Variants in CFAP299 observed in about 807,000 individuals in gnomAD.
CFAP299 encodes the protein cilia- and flagella-associated protein 299.
Under a neutral mutation model 27.0 loss-of-function variants are expected in CFAP299, and 21 were observed. That is an observed-to-expected ratio of 0.78 (90% CI 0.55 to 1.12). CFAP299 has a LOEUF of 1.12. CFAP299 is among the 50% of genes most tolerant of loss of function. CFAP299 has a pLI of 0.00. For synonymous variants in CFAP299, 104 were observed against 98.1 expected, an observed-to-expected ratio of 1.06 and a Z score of -0.36; for missense variants, 310 against 276.6, an observed-to-expected ratio of 1.12 and a Z score of -0.86.
At chr4:80,953,358 T>C (rs998072897) in intron 5 of CFAP299, among the ~76,000 whole-genome samples, 1 of 152,178 alleles carries the variant, frequency 6.6e-6, no homozygotes, top group Non-Finnish European at 1.5e-5. Flanking sequence ...AATTACTGAA[T>C]GTTTGGTTGA....
intron 5 of CFAP299, among the ~76,000 whole-genome samples, chr4:80,950,504 T>C (rs1323994350): frequency 6.6e-6 from 1 of 152,012 alleles, no homozygotes; most frequent in African/African-American, 2.4e-5. Flanking sequence ...ATGAAAGAGA[T>C]AGCATTTGAA....
chr4:80,577,428 G>A (rs1735928403), intron 2 of CFAP299, among the ~76,000 whole-genome samples: 1 of 110,080 alleles, frequency 9.1e-6, no homozygotes, highest in African/African-American at 3.4e-5. Context: ...TTTTGAGACG[G>A]AGTCTCGCTC....
chr4:80,518,231 C>T (rs1010177839), intron 2 of CFAP299, among the ~76,000 whole-genome samples: 1 of 151,768 alleles, frequency 6.6e-6, no homozygotes, highest in African/African-American at 2.4e-5. Context: ...AGAGCAAAAG[C>T]CTTCAATTAA....
chr4:80,387,080 G>A (rs1347252125), intron 2 of CFAP299: 7 of 1,440,152 alleles, frequency 4.9e-6, no homozygotes, highest in East Asian at 2.3e-5. Context: ...TGTGAGTGGC[G>A]GTCTGCAGGT....
intron 2 of CFAP299, among the ~76,000 whole-genome samples, chr4:80,400,831 G>C (rs1159425286): frequency 6.6e-6 from 1 of 152,232 alleles, no homozygotes; most frequent in African/African-American, 2.4e-5. Flanking sequence ...ATGTGAGAAA[G>C]TTTGGAACTT....
At chr4:80,378,922 C>T (rs563404862) in intron 2 of CFAP299, among the ~76,000 whole-genome samples, 4 of 151,602 alleles carry the variant, frequency 2.6e-5, no homozygotes, top group Admixed American at 6.6e-5. Context: ...TTTGTAAGGC[C>T]TTTTCTGATT....
At chr4:80,729,606 T>A (rs1302825051) in intron 3 of CFAP299, among the ~76,000 whole-genome samples, 2 of 140,060 alleles carry the variant, frequency 1.4e-5, no homozygotes, top group Non-Finnish European at 3.1e-5. Flanking sequence ...TTTTTTTTTT[T>A]TTTTTTTTTT....
chr4:80,683,095 CA>C (rs765414972), intron 3 of CFAP299, among the ~76,000 whole-genome samples: 1 of 152,166 alleles, frequency 6.6e-6, no homozygotes, highest in Non-Finnish European at 1.5e-5. Flanking sequence ...TCTTCTATAA[CA>C]CCTCTATCTC....
At chr4:80,346,507 C>T (rs1017899136) in intron 1 of CFAP299, among the ~76,000 whole-genome samples, 2 of 152,182 alleles carry the variant, frequency 1.3e-5, no homozygotes, top group Admixed American at 1.3e-4. Context: ...AGACAGTTTT[C>T]CCAGCACCAT....
chr4:80,687,636 C>T (rs1421077566), intron 3 of CFAP299, among the ~76,000 whole-genome samples: 2 of 152,148 alleles, frequency 1.3e-5, no homozygotes, highest in Non-Finnish European at 2.9e-5. Context: ...CATTTTTATT[C>T]ATCTGAAGGC....
At chr4:80,681,427 CA>C (rs34709357) in intron 3 of CFAP299, among the ~76,000 whole-genome samples, 13,622 of 143,564 alleles carry the variant, frequency 0.095, 762 homozygotes, top group East Asian at 0.23. Flanking sequence ...GTGCCAGAGG[CA>C]AAAAAAAAAA....
chr4:80,800,137 A>C (rs1475339957), intron 3 of CFAP299, among the ~76,000 whole-genome samples: 1 of 62,822 alleles, frequency 1.6e-5, no homozygotes, highest in Admixed American at 3.1e-4. Flanking sequence ...TAAATATATT[A>C]TATAAATATA....
intron 2 of CFAP299, among the ~76,000 whole-genome samples, chr4:80,380,295 G>A (rs1431791027): frequency 2.6e-5 from 4 of 151,750 alleles, no homozygotes; most frequent in African/African-American, 9.7e-5. Flanking sequence ...TAAATTTACA[G>A]AGAAAACTAT....
intron 3 of CFAP299, among the ~76,000 whole-genome samples, chr4:80,752,761 C>G (rs1313838529): frequency 6.6e-6 from 1 of 151,860 alleles, no homozygotes; most frequent in Non-Finnish European, 1.5e-5. Context: ...TATTTTATCT[C>G]CACTATTGGC....
intron 5 of CFAP299, among the ~76,000 whole-genome samples, chr4:80,959,229 A>G (rs900661474): frequency 6.6e-6 from 1 of 151,554 alleles, no homozygotes; most frequent in African/African-American, 2.4e-5. Context: ...ACAGAGGAAG[A>G]AGCCTTGAGA....
At chr4:80,333,636 C>T (rs1015757899), upstream of CFAP299, among the ~76,000 whole-genome samples, 2 of 152,150 alleles carry the variant, frequency 1.3e-5, no homozygotes, top group African/African-American at 2.4e-5. Context: ...TACCTTAAAT[C>T]TGGCATATAT....
chr4:80,664,537 A>T (rs1191992501), intron 3 of CFAP299, among the ~76,000 whole-genome samples: 1 of 152,110 alleles, frequency 6.6e-6, no homozygotes, highest in Non-Finnish European at 1.5e-5. Flanking sequence ...TGTGAGTGGA[A>T]AACTGCCTAC....
chr4:80,873,472 T>A (rs1428773064), intron 4 of CFAP299, among the ~76,000 whole-genome samples: 1 of 152,212 alleles, frequency 6.6e-6, no homozygotes, highest in East Asian at 1.9e-4. Flanking sequence ...ACTTTCTTTT[T>A]GACACACTTG....
chr4:80,522,630 T>C (rs1732979589), intron 2 of CFAP299, among the ~76,000 whole-genome samples: 1 of 152,140 alleles, frequency 6.6e-6, no homozygotes, highest in African/African-American at 2.4e-5. Context: ...TTTATAGTTT[T>C]AGATCTTATG....
Sources: gnomAD v4.1 joint callset for allele counts (sites outside exome capture counted in the v4.1 genomes callset) on GRCh38, gnomAD v4.1.1 for gene constraint, MANE v1.5 for transcripts, NCBI Gene and HGNC (gene_info 2026-07-23, HGNC 2026-07-21) for gene names.